Variants in MGAT4A observed in about 807,000 individuals in gnomAD.
The protein encoded by MGAT4A is alpha-1,3-mannosyl-glycoprotein 4-beta-N-acetylglucosaminyltransferase A.
In MGAT4A, 33 loss-of-function variants were observed where a neutral mutation model predicts 74.1. That is an observed-to-expected ratio of 0.45 (90% CI 0.34 to 0.60). The LOEUF (loss-of-function observed/expected upper bound fraction) is 0.60, where lower values mean the gene tolerates loss of function less well. MGAT4A is among the 20% of genes least tolerant of loss of function. The pLI is 0.02. For missense variants in MGAT4A, 479 were observed against 628.3 expected (o/e 0.76, Z 2.54); for synonymous variants, 198 against 210.4 (o/e 0.94, Z 0.51).
chr2:98,661,073 G>GA (rs1377935860), intron 5 of MGAT4A, among the ~76,000 whole-genome samples: 3 of 152,012 alleles, frequency 2.0e-5, no homozygotes, highest in East Asian at 1.9e-4. Flanking sequence ...TCAAGAGTAA[G>GA]AAAAAACACT....
intron 2 of MGAT4A, among the ~76,000 whole-genome samples, chr2:98,714,706 G>A (rs1332746003): frequency 3.9e-5 from 6 of 152,172 alleles, no homozygotes; most frequent in Non-Finnish European, 8.8e-5. Flanking sequence ...CCTGGAGCAT[G>A]CTATGGCACC....
chr2:98,629,118 G>A (rs1701188279), intron 14 of MGAT4A, among the ~76,000 whole-genome samples: 1 of 152,134 alleles, frequency 6.6e-6, no homozygotes, highest in African/African-American at 2.4e-5. Context: ...AATGTTCTTA[G>A]ATCACAGACT....
At chr2:98,656,496 A>T in intron 6 of MGAT4A, 31 bp from the exon 7 acceptor site, 1 of 1,423,902 alleles carries the variant, frequency 7.0e-7, no homozygotes, top group South Asian at 1.2e-5. Flanking sequence ...GAGTTACTTA[A>T]GTTCTGTGGG....
In MGAT4A at chr2:98,622,738, G is replaced by A. The variant is rs906493351; in HGVS notation, c.*2828C>T. 20 of 985,694 alleles carry A rather than the reference G, an allele frequency of 2.0e-5. No individual in the cohort carries two copies. Among genetic ancestry groups the A allele is most frequent in the African/African-American group, 1.2e-4 (7 of 57,346 alleles). 61.1% of individuals were successfully genotyped at this position (985,694 alleles called of 1,614,324 possible). On this transcript the variant is annotated 3_prime_UTR_variant, in exon 16 of 16. Transcript: ENST00000393487. ...GATGAGCAGTATGAGCTGCAGGCTC[G>A]CCTCAGGAACCTGAAATCTGGTCAG... is the stretch of plus-strand genomic sequence containing the variant.
At chr2:98,713,354 T>G (rs991858117) in intron 2 of MGAT4A, among the ~76,000 whole-genome samples, 26 of 152,012 alleles carry the variant, frequency 1.7e-4, no homozygotes, top group African/African-American at 5.5e-4. Context: ...CAGACTTTCA[T>G]GTTTACAACA....
At chr2:98,704,477 C>T (rs1575276755) in intron 2 of MGAT4A, among the ~76,000 whole-genome samples, 1 of 152,078 alleles carries the variant, frequency 6.6e-6, no homozygotes, top group Non-Finnish European at 1.5e-5. Context: ...GGTGCGGTGG[C>T]ATGCTCTGTG....
chr2:98,630,360 C>T lies in MGAT4A; in HGVS notation c.1469-4525G>A, dbSNP rs376717366. 5.6e-4 allele frequency among the ~76,000 whole-genome samples: 85 copies of T among 152,162 alleles called. 2 individuals carry two copies. The highest frequency in any genetic ancestry group is 1.9e-3 in the African/African-American group (80 of 41,492). ...ACCACAGAAAGATATTTATATCAAA[C>T]GTGAAAACAGGCAAAATCCCACTGT... On this transcript the variant is annotated intron_variant, in intron 14 of 15. Coordinates refer to ENST00000393487, the MANE Select transcript of MGAT4A (RefSeq NM_012214.3).
chr2:98,704,072 G>C (rs548937310), intron 2 of MGAT4A, among the ~76,000 whole-genome samples: 6 of 152,204 alleles, frequency 3.9e-5, no homozygotes, highest in Non-Finnish European at 7.3e-5. Context: ...AGTAGGGTCT[G>C]TATGGCAAGG....
At chr2:98,690,508 C>T (rs1038255414) in intron 2 of MGAT4A, among the ~76,000 whole-genome samples, 3 of 152,030 alleles carry the variant, frequency 2.0e-5, no homozygotes, top group African/African-American at 7.3e-5. Flanking sequence ...CAGCCCGTAC[C>T]CTCCCAAAAT....
At chr2:98,667,296 C>G (rs546745200) in intron 4 of MGAT4A, among the ~76,000 whole-genome samples, 1 of 152,012 alleles carries the variant, frequency 6.6e-6, no homozygotes, top group Admixed American at 6.5e-5. Flanking sequence ...GAGAGTGGGG[C>G]ACTGCCGAAA....
intron 7 of MGAT4A, 88 bp from the exon 8 acceptor site, chr2:98,655,608 A>G (rs1337465530): frequency 3.7e-6 from 3 of 803,142 alleles, no homozygotes; most frequent in Non-Finnish European, 4.1e-6. Context: ...AAATGTCTAC[A>G]TAACATGTCA....
chr2:98,703,457 A>C (rs886962397), intron 2 of MGAT4A, among the ~76,000 whole-genome samples: 1 of 152,208 alleles, frequency 6.6e-6, no homozygotes, highest in African/African-American at 2.4e-5. Flanking sequence ...GAAATAGAGA[A>C]AAAGTAGTAG....
At chr2:98,704,648 T>G (rs953965427) in intron 2 of MGAT4A, among the ~76,000 whole-genome samples, 1 of 151,930 alleles carries the variant, frequency 6.6e-6, no homozygotes, top group South Asian at 2.1e-4. Flanking sequence ...CATACCTGTA[T>G]AGTCCCAGCT....
At chr2:98,682,774 A>G (rs531581522) in intron 2 of MGAT4A, among the ~76,000 whole-genome samples, 2 of 152,268 alleles carry the variant, frequency 1.3e-5, no homozygotes, top group East Asian at 3.9e-4. Flanking sequence ...GGACACATCC[A>G]AATTGGGGGA....
At chr2:98,718,116 A>T (rs1702616337) in intron 2 of MGAT4A, among the ~76,000 whole-genome samples, 1 of 152,208 alleles carries the variant, frequency 6.6e-6, no homozygotes, top group African/African-American at 2.4e-5. Flanking sequence ...GTTTTCTCAG[A>T]ATATACTGTA....
In MGAT4A at chr2:98,644,037, C is replaced by T. The variant is rs747997417; in HGVS notation, c.906G>A (p.Ala302=). The change falls in exon 10 of 16, where the codon GCG becomes GCA. Residue 302 remains alanine, a synonymous_variant. Coordinates refer to ENST00000393487, the MANE Select transcript of MGAT4A (RefSeq NM_012214.3). The part of the protein sequence containing the change: ...QLGFIGKMFQ[A]PDLTLIVEFI... ...ATTCTACAATCAGAGTAAGATCCGG[C>T]GCTTGAAACATTTTACCTGAAAAGA... is the stretch of plus-strand genomic sequence containing the variant. 8.2e-6 allele frequency: 13 copies of T among 1,584,342 alleles called. No homozygotes were observed. Among genetic ancestry groups the T allele is most frequent in the South Asian group, 2.3e-5 (2 of 87,064 alleles).
At chr2:98,710,306 G>T (rs1235288567) in intron 2 of MGAT4A, among the ~76,000 whole-genome samples, 2 of 152,154 alleles carry the variant, frequency 1.3e-5, no homozygotes, top group African/African-American at 4.8e-5. Flanking sequence ...GCCTAACATG[G>T]TATCCGGTAG....
chr2:98,658,576 G>A (rs1317756081), intron 5 of MGAT4A, among the ~76,000 whole-genome samples: 3 of 152,124 alleles, frequency 2.0e-5, no homozygotes, highest in African/African-American at 7.2e-5. Flanking sequence ...AGTGACAGAT[G>A]CTGCACGATA....
intron 2 of MGAT4A, among the ~76,000 whole-genome samples, chr2:98,721,192 T>C (rs769007043): frequency 6.6e-6 from 1 of 152,184 alleles, no homozygotes; most frequent in Non-Finnish European, 1.5e-5. Context: ...CCAGAAAAGC[T>C]ATCTTTCAAA....
Sources: allele counts gnomAD v4.1 joint callset (sites outside exome capture counted in the v4.1 genomes callset), GRCh38; gene constraint gnomAD v4.1.1; transcripts MANE v1.5; gene names NCBI Gene and HGNC (gene_info 2026-07-23, HGNC 2026-07-21).